The following ANKRD44 variants were observed in gnomAD, a reference collection of about 807,000 sequenced individuals.
ANKRD44 encodes the protein ankyrin repeat domain 44.
In ANKRD44, 35 loss-of-function variants were observed where a neutral mutation model predicts 116.0. That is an observed-to-expected ratio of 0.30 (90% CI 0.23 to 0.40). The LOEUF (loss-of-function observed/expected upper bound fraction) is 0.40, where lower values mean the gene tolerates loss of function less well. ANKRD44 is among the 10% of genes least tolerant of loss of function. The pLI is 1.00. For synonymous variants in ANKRD44, 435 were observed against 461.8 expected (o/e 0.94, Z 0.74); for missense variants, 1,014 against 1,242.6 (o/e 0.82, Z 2.77).
At chr2:197,287,738 C>G (rs998900611) in intron 1 of ANKRD44, among the ~76,000 whole-genome samples, 32 of 152,108 alleles carry the variant, frequency 2.1e-4, no homozygotes, top group African/African-American at 7.5e-4. Flanking sequence ...AGTAGACACG[C>G]GCTGGGTACG....
chr2:197,280,330 A>C (rs887939897), intron 1 of ANKRD44, among the ~76,000 whole-genome samples: 9 of 152,246 alleles, frequency 5.9e-5, no homozygotes, highest in Non-Finnish European at 1.3e-4. Context: ...AAGCATCTGG[A>C]TAAAGCATTG....
intron 4 of ANKRD44, among the ~76,000 whole-genome samples, chr2:197,133,061 C>T (rs1436645488): frequency 6.6e-6 from 1 of 152,188 alleles, no homozygotes; most frequent in African/African-American, 2.4e-5. Context: ...GAAACTACAG[C>T]CTAACTGGTA....
chr2:197,024,593 T>A (rs1457857805), intron 17 of ANKRD44, among the ~76,000 whole-genome samples: 2 of 152,230 alleles, frequency 1.3e-5, no homozygotes, highest in African/African-American at 4.8e-5. Context: ...CTTCAATTAC[T>A]GGGATGTGGA....
intron 17 of ANKRD44, 78 bp from the exon 18 acceptor site, chr2:197,013,790 C>A: frequency 6.7e-7 from 1 of 1,481,640 alleles, no homozygotes; most frequent in East Asian, 2.3e-5. Flanking sequence ...AGGGGCTGGG[C>A]TTCCTGGGCC....
At chr2:197,146,451 T>C (rs906407990) in intron 3 of ANKRD44, among the ~76,000 whole-genome samples, 2 of 152,144 alleles carry the variant, frequency 1.3e-5, no homozygotes, top group African/African-American at 4.8e-5. Context: ...ACACATTTAG[T>C]TGGCATATAA....
At chr2:197,165,306 C>T (rs1302717088) in intron 2 of ANKRD44, among the ~76,000 whole-genome samples, 1 of 152,206 alleles carries the variant, frequency 6.6e-6, no homozygotes, top group Non-Finnish European at 1.5e-5. Context: ...TGGAGATGCT[C>T]AGGATCAGAG....
At chr2:197,110,165 CAG>C (rs1182155875) in intron 9 of ANKRD44, among the ~76,000 whole-genome samples, 2 of 152,090 alleles carry the variant, frequency 1.3e-5, no homozygotes, top group African/African-American at 4.8e-5. Flanking sequence ...TTAGTAAAGA[CAG>C]AGTTTCACCA....
rs764693274 is a variant in ANKRD44 at position 197,125,394 on chromosome 2, C to A, written c.537G>T (p.Trp179Cys). Reference protein sequence around the residue: ...FDKKDRRALHWAAYMGHLDVV... With the variant: ...FDKKDRRALHCAAYMGHLDVV... ...TGGAATCCTTACCCATGTATGCTGCCCAGTGCAGAGCACGCCGGTCCTTCT... is the reference window on the plus strand; with the variant it reads ...TGGAATCCTTACCCATGTATGCTGCACAGTGCAGAGCACGCCGGTCCTTCT... Residue 179 changes from tryptophan (W) to cysteine (C), a missense_variant, in exon 6 of 28, where the codon TGG becomes TGT. Transcript: ENST00000282272. The A allele has an allele frequency of 6.2e-7, 1 of 1,614,144 alleles. No individual in the cohort carries two copies. The highest frequency in any genetic ancestry group is 1.1e-5 in the South Asian group (1 of 91,084).
chr2:196,978,899 TA>T (rs58172786), intron 21 of ANKRD44, among the ~76,000 whole-genome samples: 336 of 141,814 alleles, frequency 2.4e-3, no homozygotes, highest in African/African-American at 4.3e-3. Flanking sequence ...GATATTGTTT[TA>T]AAAAAAAAAA....
At chr2:197,055,378 T>A (rs2077184295) in intron 16 of ANKRD44, among the ~76,000 whole-genome samples, 1 of 152,218 alleles carries the variant, frequency 6.6e-6, no homozygotes, top group Non-Finnish European at 1.5e-5. Flanking sequence ...TTCATATATA[T>A]GTATTGCACT....
chr2:197,011,647 A>G (rs1231354004), intron 18 of ANKRD44, among the ~76,000 whole-genome samples: 1 of 151,786 alleles, frequency 6.6e-6, no homozygotes, highest in East Asian at 1.9e-4. Flanking sequence ...TAAGTTTTGT[A>G]TTTTTAGAAG....
intron 10 of ANKRD44, among the ~76,000 whole-genome samples, chr2:197,095,767 T>TA (rs2078147008): frequency 6.6e-6 from 1 of 152,138 alleles, no homozygotes; most frequent in Non-Finnish European, 1.5e-5. Context: ...TCATAGCACT[T>TA]ACCTCATGAG....
At chr2:197,108,564 C>A (rs1454881045) in intron 9 of ANKRD44, among the ~76,000 whole-genome samples, 1 of 152,126 alleles carries the variant, frequency 6.6e-6, no homozygotes, top group African/African-American at 2.4e-5. Context: ...AACAGCAGGG[C>A]ACGGTGGCTC....
intron 10 of ANKRD44, among the ~76,000 whole-genome samples, chr2:197,093,752 A>ATCCCAGCACTTTG: frequency 6.6e-6 from 1 of 152,220 alleles, no homozygotes. Flanking sequence ...CTGCTCACAA[A>ATCCCAGCACTTTG]GGAAGGATTA....
At chr2:197,076,345 T>C (rs1008278681) in intron 16 of ANKRD44, among the ~76,000 whole-genome samples, 1 of 152,130 alleles carries the variant, frequency 6.6e-6, no homozygotes, top group African/African-American at 2.4e-5. Context: ...TCCTAGTGCA[T>C]GTAAGTTAAT....
rs71012942 is a variant in ANKRD44, at chr2:196,979,554, CTTT to C, written c.2369-12111_2369-12109del. On this transcript the variant is annotated intron_variant, in intron 21 of 21. Transcript: ENST00000424317. ...CAGCCTGAGTAATTTAATAAGATGACTTTTTTTTTTTTTTTTTTTTTTTTTTAA... is the reference window on the plus strand; with the variant it reads ...CAGCCTGAGTAATTTAATAAGATGACTTTTTTTTTTTTTTTTTTTTTTTAA... Among the ~76,000 whole-genome samples the C allele has an allele frequency of 4.6e-3, 277 of 59,638 alleles. 3 individuals are homozygous for C. The highest frequency in any genetic ancestry group is 0.013 in the African/African-American group (211 of 15,662). 39.1% of individuals were successfully genotyped at this position (59,638 alleles called of 152,430 possible).
chr2:197,269,554 G>T (rs1559203895), intron 1 of ANKRD44, among the ~76,000 whole-genome samples: 1 of 152,262 alleles, frequency 6.6e-6, no homozygotes, highest in East Asian at 1.9e-4. Context: ...AAAAGAGGGG[G>T]CAGGGGAAGA....
At chr2:197,266,492 TA>T (rs1559200961) in intron 1 of ANKRD44, among the ~76,000 whole-genome samples, 1 of 152,064 alleles carries the variant, frequency 6.6e-6, no homozygotes, top group East Asian at 1.9e-4. Flanking sequence ...ACACAAACAT[TA>T]AATCACTCAA....
At chr2:197,197,809 C>CAAAAAAAAAAAAAAAAAAAAAAAAAAA (rs199994103) in intron 1 of ANKRD44, among the ~76,000 whole-genome samples, 1 of 114,170 alleles carries the variant, frequency 8.8e-6, no homozygotes, top group African/African-American at 3.9e-5. Context: ...AATCCTGTCT[C>CAAAAAAAAAAAAAAAAAAAAAAAAAAA]AAAAAAAAAA....
Sources: allele counts gnomAD v4.1 joint callset (sites outside exome capture counted in the v4.1 genomes callset), GRCh38; gene constraint gnomAD v4.1.1; transcripts MANE v1.5; gene names NCBI Gene and HGNC (gene_info 2026-07-23, HGNC 2026-07-21).